The following FAM186A variants were observed in gnomAD, a reference collection of about 807,000 sequenced individuals.
FAM186A encodes protein FAM186A.
A neutral mutation model predicts 216.8 loss-of-function variants in FAM186A; 163 were observed. The ratio of observed to expected loss-of-function variants is 0.75; its 90% CI spans 0.66 to 0.86. The LOEUF (loss-of-function observed/expected upper bound fraction) is 0.86, where lower values mean the gene tolerates loss of function less well. FAM186A is among the 40% of genes least tolerant of loss of function. The probability of loss-of-function intolerance (pLI) is 0.00; values close to 1 mark genes in which losing one functional copy is unlikely to be tolerated. For missense variants in FAM186A, 2,184 were observed against 2,746.2 expected, an observed-to-expected ratio of 0.80 and a Z score of 4.58; for synonymous variants, 805 against 1,025.3, an observed-to-expected ratio of 0.79 and a Z score of 4.10.
At chr12:50,334,265 G>A (rs1394619556) in intron 4 of FAM186A, among the ~76,000 whole-genome samples, 162 bp from the exon 5 acceptor site, 1 of 151,710 alleles carries the variant, frequency 6.6e-6, no homozygotes, top group East Asian at 1.9e-4. Flanking sequence ...TCCACCTCCT[G>A]GATTCAAGAA....
intron 1 of FAM186A, among the ~76,000 whole-genome samples, chr12:50,384,640 C>T (rs1943285079): frequency 6.8e-6 from 1 of 146,226 alleles, no homozygotes; most frequent in African/African-American, 2.4e-5. Context: ...AGAAATAAAT[C>T]CACACATTTC....
At chr12:50,395,224 G>A (rs1565899904) in intron 1 of FAM186A, among the ~76,000 whole-genome samples, 2 of 152,018 alleles carry the variant, frequency 1.3e-5, no homozygotes, top group African/African-American at 4.8e-5. Flanking sequence ...AAGGAGCTGG[G>A]ACTACAGGTT....
At chr12:50,335,191 G>A (rs1255843521) in intron 4 of FAM186A, among the ~76,000 whole-genome samples, 1 of 152,088 alleles carries the variant, frequency 6.6e-6, no homozygotes, top group Non-Finnish European at 1.5e-5. Flanking sequence ...TAGGGAGTTC[G>A]AGGCTGCAGT....
At chr12:50,393,749 T>C (rs1943386105) in intron 1 of FAM186A, among the ~76,000 whole-genome samples, 1 of 152,092 alleles carries the variant, frequency 6.6e-6, no homozygotes, top group Non-Finnish European at 1.5e-5. Context: ...CTTGGGAGGC[T>C]GAGGTGGGAG....
Position 50,354,854 on chromosome 12 carries a change from G to A in FAM186A, c.1978C>T (p.Pro660Ser). ...TSESTRVLES[P>S]DGKSEQSNLE... ...TTACTCTGTTCACTTTTGCCATCTG[G>A]ACTTTCTAGAACTCTGGTAGATTCT... The change falls in exon 4 of 8, where the codon CCA (proline) becomes TCA (serine). Residue 660 changes from proline to serine, a missense_variant. Pro to Ser is a moderately conservative substitution (Grantham distance 74). This residue lies in a region of FAM186A where 1,132 missense variants were observed against 1,263.4 expected (regional missense o/e 0.90). Transcript: ENST00000327337. The A allele has an allele frequency of 6.5e-7, 1 of 1,547,148 alleles. No individual in the cohort carries two copies. The highest frequency in any genetic ancestry group is 2.4e-5 in the East Asian group (1 of 40,906).
rs1216156534 is a variant in FAM186A, at chr12:50,355,971, G to A, written c.861C>T (p.Ser287=). The part of the protein sequence containing the change: ...DELKCVNFQS[S]TVYAHETSEA... Reference sequence around the variant, plus strand: ...CACTTGTCTCATGTGCATACACAGTGGAACTTTGGAAGTTAACACATTTTA... The same window carrying A: ...CACTTGTCTCATGTGCATACACAGTAGAACTTTGGAAGTTAACACATTTTA... The change falls in exon 4 of 8, where the codon TCC becomes TCT. Residue 287 remains serine, a synonymous_variant. Coordinates refer to ENST00000327337, the MANE Select transcript of FAM186A (RefSeq NM_001145475.3). 1.9e-6 allele frequency: 3 copies of A among 1,551,376 alleles called. No individual in the cohort carries two copies. In the East Asian group the frequency reaches 7.3e-5, roughly 38 times the overall value.
intron 4 of FAM186A, among the ~76,000 whole-genome samples, chr12:50,342,431 G>A (rs1942772464): frequency 1.3e-5 from 2 of 151,336 alleles, no homozygotes; most frequent in Non-Finnish European, 2.9e-5. Flanking sequence ...AACTAAGGGG[G>A]AAAAATCTCC....
intron 1 of FAM186A, among the ~76,000 whole-genome samples, chr12:50,391,291 G>T (rs1943354404): frequency 1.3e-5 from 2 of 151,400 alleles, no homozygotes; most frequent in Non-Finnish European, 2.9e-5. Context: ...ACCATGCCAG[G>T]CCTTATTTTA....
chr12:50,344,937 A>C (rs1942798039), intron 4 of FAM186A, among the ~76,000 whole-genome samples: 1 of 152,144 alleles, frequency 6.6e-6, no homozygotes, highest in Admixed American at 6.6e-5. Flanking sequence ...TGCCCTGGAC[A>C]AGAGAGTGAG....
At chr12:50,346,237 A>AAAGAAAGAAAGAGAGAAAGAAAGAAAG in intron 4 of FAM186A, among the ~76,000 whole-genome samples, 1 of 102,184 alleles carries the variant, frequency 9.8e-6, no homozygotes, top group Non-Finnish European at 2.0e-5. Context: ...AAGAAAGAAA[A>AAAGAAAGAAAGAGAGAAAGAAAGAAAG]AAAGAAAGAA....
chr12:50,377,891 A>G (rs957399511), intron 1 of FAM186A, among the ~76,000 whole-genome samples: 2 of 152,058 alleles, frequency 1.3e-5, no homozygotes, highest in Non-Finnish European at 2.9e-5. Flanking sequence ...AGATTTCACA[A>G]AAATGTAAGA....
At chr12:50,383,898 T>C (rs1943278094) in intron 1 of FAM186A, among the ~76,000 whole-genome samples, 1 of 152,002 alleles carries the variant, frequency 6.6e-6, no homozygotes, top group Non-Finnish European at 1.5e-5. Flanking sequence ...GGCAGGCGGA[T>C]CACGAAGCCA....
At chr12:50,383,067 G>GAAC (rs908722246) in intron 1 of FAM186A, among the ~76,000 whole-genome samples, 15 of 147,426 alleles carry the variant, frequency 1.0e-4, no homozygotes, top group East Asian at 2.0e-4. Context: ...AATACAAAAA[G>GAAC]AACAACAACA....
intron 1 of FAM186A, among the ~76,000 whole-genome samples, chr12:50,379,508 C>T (rs946454803): frequency 4.7e-5 from 7 of 149,248 alleles, no homozygotes; most frequent in East Asian, 2.0e-4. Flanking sequence ...AAGCACAGGC[C>T]GGGCTCAGTG....
chr12:50,360,661 G>T, intron 3 of FAM186A, 95 bp downstream of exon 3: 1 of 1,096,600 alleles, frequency 9.1e-7, no homozygotes, highest in Non-Finnish European at 1.3e-6. Flanking sequence ...CACCAGCCTG[G>T]GTGATAGAGC....
intron 1 of FAM186A, among the ~76,000 whole-genome samples, chr12:50,373,865 A>T (rs889485885): frequency 1.3e-5 from 2 of 151,898 alleles, no homozygotes; most frequent in African/African-American, 4.8e-5. Flanking sequence ...TGTTTATTGC[A>T]GCATTATTCA....
Position 50,351,661 on chromosome 12 carries a change from G to A in FAM186A, c.5171C>T (p.Thr1724Ile), listed in dbSNP as rs1942882944. Reference protein sequence around the residue: ...PFQKSKASLPTGQSIISRLSP... With the variant: ...PFQKSKASLPIGQSIISRLSP... ...CAATCTTGATATGATGGATTGCCCA[G>A]TGGGGAGAGAAGCCTTCGATTTCTG... The change falls in exon 4 of 8, where the codon ACT (threonine) becomes ATT (isoleucine). Residue 1724 changes from threonine (T) to isoleucine (I), a missense_variant. By Grantham distance (89) the Thr-to-Ile change is moderately conservative. Coordinates refer to ENST00000327337, the MANE Select transcript of FAM186A (RefSeq NM_001145475.3). 1 of 1,551,640 alleles carries A rather than the reference G, an allele frequency of 6.4e-7. No individual in the cohort carries two copies. Among genetic ancestry groups the A allele is most frequent in the African/African-American group, 1.4e-5 (1 of 73,156 alleles).
At chr12:50,378,470 C>G (rs920390590) in intron 1 of FAM186A, among the ~76,000 whole-genome samples, 1 of 151,354 alleles carries the variant, frequency 6.6e-6, no homozygotes, top group Non-Finnish European at 1.5e-5. Flanking sequence ...GCAGAGGAAA[C>G]AGTGAGCCGA....
intron 1 of FAM186A, among the ~76,000 whole-genome samples, chr12:50,385,096 T>C (rs1274583515): frequency 6.2e-5 from 9 of 145,762 alleles, no homozygotes; most frequent in African/African-American, 1.2e-4. Flanking sequence ...TGAGCCACCA[T>C]GCCCAGCCTG....
Sources: allele counts gnomAD v4.1 joint callset (sites outside exome capture counted in the v4.1 genomes callset), GRCh38; gene constraint gnomAD v4.1.1; regional missense constraint gnomAD v4.1.1; transcripts MANE v1.5; gene names NCBI Gene and HGNC (gene_info 2026-07-23, HGNC 2026-07-21).